Variants in GFPT2 observed in about 807,000 individuals in gnomAD.
GFPT2 encodes the protein glutamine--fructose-6-phosphate aminotransferase [isomerizing] 2.
A neutral mutation model predicts 85.6 loss-of-function variants in GFPT2; 62 were observed. The observed-to-expected ratio is 0.72, with a 90% CI of 0.59 to 0.90. The LOEUF (loss-of-function observed/expected upper bound fraction) is 0.90, where lower values mean the gene tolerates loss of function less well. GFPT2 is among the 40% of genes least tolerant of loss of function. GFPT2 has a pLI of 0.00. For synonymous variants in GFPT2, 368 were observed against 344.5 expected (o/e 1.07, Z -0.75); for missense variants, 788 against 893.4 (o/e 0.88, Z 1.50).
intron 1 of GFPT2, chr5:180,352,854 TGGA>T (rs1315757322): frequency 2.6e-6 from 1 of 389,402 alleles, no homozygotes; most frequent in African/African-American, 2.2e-5. Context: ...CTGGGAGACG[TGGA>T]GGAGAGCGAC....
chr5:180,318,844 G>C lies in GFPT2; in HGVS notation c.907C>G (p.Pro303Ala). ...HRVKRSASDD[P>A]SRAIQTLQME... Reference sequence around the variant, plus strand: ...TGCAAGGTCTGGATGGCTCGAGATGGGTCATCACTGGCCGAGCGCTTGACC... The same window carrying C: ...TGCAAGGTCTGGATGGCTCGAGATGCGTCATCACTGGCCGAGCGCTTGACC... Residue 303 changes from proline (P) to alanine (A), a missense_variant, in exon 10 of 19, where the codon CCA becomes GCA. Physicochemically the swap from Pro to Ala is conservative, Grantham distance 27. Transcript: ENST00000253778. The surrounding 1 kb of genome is among the most constrained non-coding windows in gnomAD (Gnocchi z 4.2). The C allele has an allele frequency of 6.2e-7, 1 of 1,614,012 alleles. No individual in the cohort carries two copies. Among genetic ancestry groups the C allele is most frequent in the Non-Finnish European group, 8.5e-7 (1 of 1,179,954 alleles).
intron 9 of GFPT2, among the ~76,000 whole-genome samples, chr5:180,322,520 GT>G (rs767035629): frequency 7.2e-5 from 11 of 152,136 alleles, no homozygotes; most frequent in Non-Finnish European, 1.5e-4. Flanking sequence ...ATCGTGCCTG[GT>G]CACGTGAGGT....
At chr5:180,317,321 T>C (rs1764029931) in intron 10 of GFPT2, among the ~76,000 whole-genome samples, 1 of 152,202 alleles carries the variant, frequency 6.6e-6, no homozygotes, top group Admixed American at 6.5e-5. Context: ...GGCTGATCCC[T>C]CTGGGCCATG....
In GFPT2 at chr5:180,318,938, G is replaced by A. The variant is rs779504366; in HGVS notation, c.813C>T (p.Thr271=). The A allele has an allele frequency of 6.2e-7, 1 of 1,613,126 alleles. No individual in the cohort carries two copies. The highest frequency in any genetic ancestry group is 1.1e-5 in the South Asian group (1 of 91,082). Residue 271 remains threonine, a synonymous_variant, in exon 10 of 19, where the codon ACC becomes ACT. Coordinates refer to ENST00000253778, the MANE Select transcript of GFPT2 (RefSeq NM_005110.4). The surrounding 1 kb of genome is among the most constrained non-coding windows in gnomAD (Gnocchi z 4.2). Reference sequence around the variant, plus strand: ...CGTCCTCCAGGAAGATGACCCGGTTGGTGTGCTCTATGATAGCGCTGGGGC... The same window carrying A: ...CGTCCTCCAGGAAGATGACCCGGTTAGTGTGCTCTATGATAGCGCTGGGGC... ...ASDASAIIEH[T]NRVIFLEDDD...
Position 180,323,773 on chromosome 5 carries a change from A to AT in GFPT2, c.794+414dup, listed in dbSNP as rs1487135719. 6.6e-6 allele frequency among the ~76,000 whole-genome samples: 1 copy of AT among 152,168 alleles called. No individual in the cohort carries two copies. The highest frequency in any genetic ancestry group is 1.9e-4 in the East Asian group (1 of 5,188). ...ACTGAGGTCTAGACACAGTTGTCTC[A>AT]TCTAAAGGGGGCAGCCTTTGAGCAG... On this transcript the variant is annotated intron_variant, in intron 9 of 18. Coordinates refer to ENST00000253778, the MANE Select transcript of GFPT2 (RefSeq NM_005110.4). This position sits in a 1 kb window ranked among gnomAD's most constrained non-coding sequence, Gnocchi z 4.0.
chr5:180,352,457 C>G, intron 1 of GFPT2: 1 of 452,460 alleles, frequency 2.2e-6, no homozygotes, highest in Non-Finnish European at 4.4e-6. Flanking sequence ...GATGTGCGCT[C>G]CGGGCCGCGG....
chr5:180,352,176 C>T (rs1342479523), intron 1 of GFPT2, among the ~76,000 whole-genome samples: 1 of 152,170 alleles, frequency 6.6e-6, no homozygotes, highest in Non-Finnish European at 1.5e-5. Flanking sequence ...GAGCAGCTGG[C>T]CTCCGAGACA....
rs552907642 is a variant in GFPT2, at chr5:180,309,555, G to T, written c.1547-2252C>A. Among the ~76,000 whole-genome samples the T allele has an allele frequency of 4.6e-5, 7 of 152,146 alleles. No homozygotes were observed. The East Asian group carries it at 1.4e-3, about 30-fold the overall frequency. On this transcript the variant is annotated intron_variant, in intron 15 of 18. Coordinates refer to ENST00000253778, the MANE Select transcript of GFPT2 (RefSeq NM_005110.4). ...CCTGACTCAGCCTCCCAAGTAGCTG[G>T]GATTAAAGGCGCACACCACCACACC... is the stretch of plus-strand genomic sequence containing the variant.
chr5:180,318,539 T>C lies in GFPT2; in HGVS notation c.958+254A>G. 2.1e-6 allele frequency: 1 copy of C among 485,314 alleles called. No individual in the cohort carries two copies. 30.1% of individuals were successfully genotyped at this position (485,314 alleles called of 1,614,324 possible). A position where few individuals can be genotyped will look rare whatever the true frequency, so the allele number is the denominator to read the frequency against. On this transcript the variant is annotated intron_variant, in intron 10 of 18. Transcript: ENST00000253778. This position sits in a 1 kb window ranked among gnomAD's most constrained non-coding sequence, Gnocchi z 4.2. ...CGCGGAGTCGGTGAAGGAAGGCAGC[T>C]GACACACTGGGCTCAGTTCCAGTAG...
rs184402721 is a variant in GFPT2 at position 180,318,304 on chromosome 5, T to C, written c.958+489A>G. 1.3e-4 allele frequency among the ~76,000 whole-genome samples: 20 copies of C among 152,228 alleles called. No homozygotes were observed. Among genetic ancestry groups the C allele is most frequent in the Non-Finnish European group, 2.5e-4 (17 of 68,008 alleles). Reference sequence around the variant, plus strand: ...AACAGTAGGAAACCATTGGAGGGCCTTGAGCAGCGGGATGATCACAGGGGC... The same window carrying C: ...AACAGTAGGAAACCATTGGAGGGCCCTGAGCAGCGGGATGATCACAGGGGC... On this transcript the variant is annotated intron_variant, in intron 10 of 18. Transcript: ENST00000253778. The surrounding 1 kb of genome is among the most constrained non-coding windows in gnomAD (Gnocchi z 4.2).
intron 1 of GFPT2, among the ~76,000 whole-genome samples, chr5:180,349,134 GAA>G (rs900143121): frequency 6.7e-6 from 1 of 149,522 alleles, no homozygotes; most frequent in Non-Finnish European, 1.5e-5. Context: ...TTAATTAAAA[GAA>G]AAAAAAATCT....
chr5:180,306,222 T>C (rs1316530847), intron 16 of GFPT2, among the ~76,000 whole-genome samples: 1 of 152,160 alleles, frequency 6.6e-6, no homozygotes, highest in Non-Finnish European at 1.5e-5. Context: ...TGACCTCAAA[T>C]GATCTGACTG....
chr5:180,332,186 G>A (rs953324188), intron 4 of GFPT2, among the ~76,000 whole-genome samples: 2 of 151,174 alleles, frequency 1.3e-5, no homozygotes, highest in African/African-American at 2.4e-5. Context: ...CCCAGCTCAC[G>A]CGGGCGGCTT....
At position 180,300,863 on chromosome 5, in the gene GFPT2, A is replaced by G. The variant is rs1763661251; in HGVS notation, c.*701T>C. 6.5e-6 allele frequency: 1 copy of G among 152,694 alleles called. No homozygotes were observed. The highest frequency in any genetic ancestry group is 1.5e-5 in the Non-Finnish European group (1 of 68,066). The allele number at this position is 152,694 out of a possible 1,614,324, so 9.5% of individuals were successfully genotyped here. On this transcript the variant is annotated 3_prime_UTR_variant, in exon 19 of 19. Coordinates refer to ENST00000253778, the MANE Select transcript of GFPT2 (RefSeq NM_005110.4). ...GGGACCAAAATGCTGCCAGGGCTTAAAAAGAGCCGTGATCAGATTAAACAG... is the reference window on the plus strand; with the variant it reads ...GGGACCAAAATGCTGCCAGGGCTTAGAAAGAGCCGTGATCAGATTAAACAG...
chr5:180,302,754 A>G (rs1442620397), intron 17 of GFPT2, among the ~76,000 whole-genome samples, 170 bp from the exon 18 acceptor site: 2 of 152,308 alleles, frequency 1.3e-5, no homozygotes, highest in African/African-American at 2.4e-5. Context: ...TGGAAAGGAT[A>G]AAGTGTCTGA....
intron 16 of GFPT2, among the ~76,000 whole-genome samples, chr5:180,306,518 G>A (rs1200737555): frequency 6.6e-6 from 1 of 152,254 alleles, no homozygotes; most frequent in African/African-American, 2.4e-5. Flanking sequence ...CAGCCCTGTG[G>A]CCCTGGCACC....
chr5:180,349,572 C>A (rs1408507338), intron 1 of GFPT2, among the ~76,000 whole-genome samples: 1 of 152,080 alleles, frequency 6.6e-6, no homozygotes, highest in Non-Finnish European at 1.5e-5. Context: ...GACACAGCCA[C>A]AAGCCAAGGA....
At chr5:180,310,691 G>T (rs1021305578) in intron 15 of GFPT2, among the ~76,000 whole-genome samples, 7 of 151,406 alleles carry the variant, frequency 4.6e-5, no homozygotes, top group Non-Finnish European at 1.5e-5. Context: ...GATTACAGGC[G>T]TGAGCCACCG....
chr5:180,308,047 G>A (rs1763812858), intron 15 of GFPT2, among the ~76,000 whole-genome samples: 2 of 152,170 alleles, frequency 1.3e-5, no homozygotes. Flanking sequence ...ACGAGGTCAG[G>A]AGATCGAGAC....
Sources: gnomAD v4.1 joint callset for allele counts (sites outside exome capture counted in the v4.1 genomes callset) on GRCh38, gnomAD v4.1.1 for gene constraint, Gnocchi (gnomAD v3.1) non-coding constraint, MANE v1.5 for transcripts, NCBI Gene and HGNC (gene_info 2026-07-23, HGNC 2026-07-21) for gene names.